RAD21L1: variants seen among roughly 807,000 people sequenced by gnomAD.
The protein encoded by RAD21L1 is RAD21 cohesin complex component like 1.
In RAD21L1, 47 loss-of-function variants were observed where a neutral mutation model predicts 69.0. The ratio of observed to expected loss-of-function variants is 0.68; its 90% CI spans 0.54 to 0.87. The LOEUF (loss-of-function observed/expected upper bound fraction) is 0.87. RAD21L1 is among the 40% of genes least tolerant of loss of function. The pLI, the probability that RAD21L1 is intolerant of heterozygous loss-of-function variation, is 0.00. For synonymous variants in RAD21L1, 177 were observed against 205.8 expected (o/e 0.86, Z 1.20); for missense variants, 583 against 647.6 (o/e 0.90, Z 1.08).
At chr20:1,232,381 GCTA>G (rs2087409261) in intron 4 of RAD21L1, among the ~76,000 whole-genome samples, 1 of 152,168 alleles carries the variant, frequency 6.6e-6, no homozygotes. Context: ...CATCCCTTTG[GCTA>G]CTTACTCTAA....
intron 10 of RAD21L1, 33 bp downstream of exon 10, chr20:1,243,229 G>T (rs1224899544): frequency 1.0e-5 from 11 of 1,074,756 alleles, no homozygotes; most frequent in Non-Finnish European, 1.5e-5. Flanking sequence ...ATGTTGAGGG[G>T]AATGCTGTGG....
At chr20:1,246,000 C>A (rs2122133589) in intron 11 of RAD21L1, among the ~76,000 whole-genome samples, 1 of 152,116 alleles carries the variant, frequency 6.6e-6, no homozygotes, top group African/African-American at 2.4e-5. Flanking sequence ...CATGCAAGTT[C>A]TTCCTTTATG....
At chr20:1,251,827 T>C (rs917918812) in intron 13 of RAD21L1, among the ~76,000 whole-genome samples, 1 of 152,202 alleles carries the variant, frequency 6.6e-6, no homozygotes, top group African/African-American at 2.4e-5. Flanking sequence ...AATATTTTTA[T>C]TTAATTATTC....
In RAD21L1 at chr20:1,255,682, G is replaced by A. The variant is rs1189263555; in HGVS notation, c.*1225G>A. Among the ~76,000 whole-genome samples the A allele has an allele frequency of 1.3e-5, 2 of 152,070 alleles. No individual in the cohort carries two copies. Among genetic ancestry groups the A allele is most frequent in the Non-Finnish European group, 2.9e-5 (2 of 68,018 alleles). ...GTCCTGTAACCATCTCCACAATTAG[G>A]ATTCCAGCAGTAACATCACCCTAAA... On this transcript the variant is annotated 3_prime_UTR_variant, in exon 14 of 14. Transcript: ENST00000683101.
intron 8 of RAD21L1, among the ~76,000 whole-genome samples, chr20:1,240,722 AT>A (rs1285552817): frequency 2.0e-4 from 31 of 152,246 alleles, no homozygotes; most frequent in Admixed American, 1.1e-3. Flanking sequence ...TGCCATGTCA[AT>A]TTACTGCTGC....
In RAD21L1 at chr20:1,254,817, G is replaced by A. The variant is rs1328137931; in HGVS notation, c.*360G>A. On this transcript the variant is annotated 3_prime_UTR_variant, in exon 14 of 14. Transcript: ENST00000683101. ...CCTGGCTCAGAAATACTTAATTATAGCTAAGTAATTATTTTTAACTTAGCT... is the reference window on the plus strand; with the variant it reads ...CCTGGCTCAGAAATACTTAATTATAACTAAGTAATTATTTTTAACTTAGCT... Among the ~76,000 whole-genome samples, 2 of 151,980 alleles carry A rather than the reference G, an allele frequency of 1.3e-5. No homozygotes were observed. The highest frequency in any genetic ancestry group is 2.9e-5 in the Non-Finnish European group (2 of 67,996).
chr20:1,233,608 T>G (rs2122784961), intron 4 of RAD21L1, among the ~76,000 whole-genome samples: 1 of 152,298 alleles, frequency 6.6e-6, no homozygotes, highest in East Asian at 1.9e-4. Flanking sequence ...CATCGTCTGG[T>G]GATGGCCTGC....
In RAD21L1 at chr20:1,226,095, C is replaced by T. The variant is rs1383869461; in HGVS notation, c.-78C>T. 3.3e-5 allele frequency: 5 copies of T among 149,890 alleles called. No homozygotes were observed. The highest frequency in any genetic ancestry group is 2.1e-4 in the South Asian group (1 of 4,704). 9.3% of individuals were successfully genotyped at this position (149,890 alleles called of 1,614,324 possible). On this transcript the variant is annotated 5_prime_UTR_variant, in exon 1 of 14. Coordinates refer to ENST00000683101, the MANE Select transcript of RAD21L1 (RefSeq NM_001384355.1). ...CGGCCAAGCTGACTTGGCGACTCCTCGCAGCCCCTGCTCTGGCACGCCACA... is the reference window on the plus strand; with the variant it reads ...CGGCCAAGCTGACTTGGCGACTCCTTGCAGCCCCTGCTCTGGCACGCCACA...
At position 1,254,273 on chromosome 20, in the gene RAD21L1, C is replaced by T; in HGVS notation, c.1484C>T (p.Ser495Phe). 6.7e-7 allele frequency: 1 copy of T among 1,490,450 alleles called. No individual in the cohort carries two copies. The highest frequency in any genetic ancestry group is 9.0e-7 in the Non-Finnish European group (1 of 1,112,326). 92.3% of individuals were successfully genotyped at this position (1,490,450 alleles called of 1,614,324 possible). ...ILQMLNRLRE[S>F]NKMGMQSFSL... ...CTTTTCTAATTATTTTCCCAGGAAT[C>T]TAACAAGATGGGAATGCAGTCCTTT... is the stretch of plus-strand genomic sequence containing the variant. The change falls in exon 14 of 14, where the codon TCT (serine) becomes TTT (phenylalanine). Residue 495 changes from serine (S) to phenylalanine (F), a missense_variant. By Grantham distance (155) the Ser-to-Phe change is radical. Coordinates refer to ENST00000683101, the MANE Select transcript of RAD21L1 (RefSeq NM_001384355.1).
intron 11 of RAD21L1, among the ~76,000 whole-genome samples, chr20:1,245,760 G>A (rs563882513): frequency 6.6e-6 from 1 of 152,082 alleles, no homozygotes; most frequent in South Asian, 2.1e-4. Context: ...ATGGTCCTCG[G>A]TAGGGATATT....
rs2087910583 is a variant in RAD21L1, at chr20:1,255,157, T to C, written c.*700T>C. Among the ~76,000 whole-genome samples, 1 of 148,058 alleles carries C rather than the reference T, an allele frequency of 6.8e-6. No individual in the cohort carries two copies. The highest frequency in any genetic ancestry group is 1.5e-5 in the Non-Finnish European group (1 of 67,996). Reference sequence around the variant, plus strand: ...ATTGCCTGAGTGGGTTTTAGTCTATTTATAGGTCACTTAACTTTTTTATTT... The same window carrying C: ...ATTGCCTGAGTGGGTTTTAGTCTATCTATAGGTCACTTAACTTTTTTATTT... On this transcript the variant is annotated 3_prime_UTR_variant, in exon 14 of 14. Transcript: ENST00000683101.
chr20:1,234,109 T>C lies in RAD21L1; in HGVS notation c.393T>C (p.Phe131=), dbSNP rs752838571. The C allele has an allele frequency of 4.5e-6, 7 of 1,539,448 alleles. No individual in the cohort carries two copies. The Admixed American group carries it at 7.9e-5, about 17-fold the overall frequency. Residue 131 remains phenylalanine (F), a synonymous_variant, in exon 5 of 14, where the codon TTT becomes TTC. Coordinates refer to ENST00000683101, the MANE Select transcript of RAD21L1 (RefSeq NM_001384355.1). ...GTGCTATTGATGTTTCAGAACACTT[T>C]ACTCAGAACCAAAGCAGACCAGAAG... ...NMNAIDVSEH[F]TQNQSRPEEI... is the part of the protein sequence containing the mutation.
chr20:1,244,983 C>T (rs1242825565), intron 11 of RAD21L1, among the ~76,000 whole-genome samples: 1 of 152,190 alleles, frequency 6.6e-6, no homozygotes, highest in African/African-American at 2.4e-5. Flanking sequence ...TAGTACTACT[C>T]TCTCCCTCAC....
intron 11 of RAD21L1, 143 bp downstream of exon 11, chr20:1,244,313 A>G (rs949055883): frequency 1.7e-6 from 1 of 605,632 alleles, no homozygotes; most frequent in Non-Finnish European, 2.7e-6. Context: ...AGTAAGTAGC[A>G]GGGTAAAACA....
In RAD21L1 at chr20:1,243,263, T is replaced by C. The variant is rs200764637; in HGVS notation, c.1183+67T>C. 2.3e-4 allele frequency: 170 copies of C among 747,300 alleles called. 1 individual carries two copies. In the East Asian group the frequency reaches 4.5e-3, roughly 20 times the overall value. The allele number at this position is 747,300 out of a possible 1,614,324, so 46.3% of individuals were successfully genotyped here. A position where few individuals can be genotyped will look rare whatever the true frequency, so the allele number is the denominator to read the frequency against. On this transcript the variant is annotated intron_variant, in intron 10 of 13. Coordinates refer to ENST00000683101, the MANE Select transcript of RAD21L1 (RefSeq NM_001384355.1). The stretch of plus-strand genomic sequence containing the variant: ...GGAAACAAAAATTTGATGTTTTAAA[T>C]TTCAAAATGAAGGTGGGATCCAATT...
intron 5 of RAD21L1, among the ~76,000 whole-genome samples, chr20:1,235,758 A>G (rs2087481620): frequency 6.7e-6 from 1 of 150,194 alleles, no homozygotes; most frequent in Admixed American, 6.7e-5. Context: ...TTTGGGCTTG[A>G]AACTTTAGGA....
In RAD21L1 at chr20:1,243,099, G is replaced by C. The variant is rs2087650770; in HGVS notation, c.1086G>C (p.Leu362Phe). Reference protein sequence around the residue: ...QDLIHAELKMLFTKCFLSSGF... With the variant: ...QDLIHAELKMFFTKCFLSSGF... Reference sequence around the variant, plus strand: ...AACAAAAATGTGTATTTTTACAGTTGTTTACAAAATGCTTTCTGTCCTCTG... The same window carrying C: ...AACAAAAATGTGTATTTTTACAGTTCTTTACAAAATGCTTTCTGTCCTCTG... The change falls in exon 10 of 14, where the codon TTG becomes TTC. Residue 362 changes from leucine to phenylalanine, a missense_variant and splice_region_variant. Leu to Phe is a conservative substitution (Grantham distance 22). Coordinates refer to ENST00000683101, the MANE Select transcript of RAD21L1 (RefSeq NM_001384355.1). 2.0e-6 allele frequency: 3 copies of C among 1,514,236 alleles called. No individual in the cohort carries two copies. The highest frequency in any genetic ancestry group is 2.7e-6 in the Non-Finnish European group (3 of 1,129,990). The allele number at this position is 1,514,236 out of a possible 1,614,324, so 93.8% of individuals were successfully genotyped here.
intron 8 of RAD21L1, among the ~76,000 whole-genome samples, chr20:1,241,392 A>G (rs575435017): frequency 1.5e-4 from 23 of 152,358 alleles, no homozygotes; most frequent in Non-Finnish European, 2.6e-4. Context: ...ATCTAATGTA[A>G]CTACTAGTCT....
At chr20:1,235,056 A>G (rs1239196955) in intron 5 of RAD21L1, among the ~76,000 whole-genome samples, 1 of 152,200 alleles carries the variant, frequency 6.6e-6, no homozygotes, top group Non-Finnish European at 1.5e-5. Context: ...GTACTTTAAA[A>G]TGGAAGCAAT....
Sources: gnomAD v4.1 joint callset for allele counts (sites outside exome capture counted in the v4.1 genomes callset) on GRCh38, gnomAD v4.1.1 for gene constraint, MANE v1.5 for transcripts, NCBI Gene and HGNC (gene_info 2026-07-23, HGNC 2026-07-21) for gene names.